The following CORIN variants were observed in gnomAD, a reference collection of about 807,000 sequenced individuals.
The protein encoded by CORIN is atrial natriuretic peptide-converting enzyme.
CORIN carries 117 observed loss-of-function variants against 125.3 expected under a neutral mutation model. That is an observed-to-expected ratio of 0.93 (90% confidence interval 0.80 to 1.09). The LOEUF is 1.09. Among genes scored for constraint, CORIN ranks in the 50% least tolerant of loss-of-function variants. The pLI is 0.00. For synonymous variants in CORIN, 450 were observed against 466.4 expected (o/e 0.96, Z 0.45); for missense variants, 1,253 against 1,306.7 (o/e 0.96, Z 0.63).
At chr4:47,690,808 T>C (rs886788583) in intron 6 of CORIN, among the ~76,000 whole-genome samples, 9 of 152,178 alleles carry the variant, frequency 5.9e-5, no homozygotes, top group African/African-American at 1.2e-4. Context: ...AAAAGGAGTA[T>C]GGCACCCTCC....
chr4:47,695,336 A>G (rs1725941536), intron 5 of CORIN, among the ~76,000 whole-genome samples: 1 of 152,212 alleles, frequency 6.6e-6, no homozygotes, highest in African/African-American at 2.4e-5. Flanking sequence ...AGCAGCTGCA[A>G]TGCCTCACAA....
intron 4 of CORIN, among the ~76,000 whole-genome samples, chr4:47,757,925 T>C (rs559460606): frequency 1.4e-5 from 2 of 147,330 alleles, no homozygotes; most frequent in East Asian, 2.0e-4. Flanking sequence ...TACACATATA[T>C]ATATTTGAGA....
rs1330832330 is a variant in CORIN, at chr4:47,711,072, T to G, written c.800-17989A>C. Among the ~76,000 whole-genome samples, 4 of 152,158 alleles carry G rather than the reference T, an allele frequency of 2.6e-5. No homozygotes were observed. The East Asian group carries it at 7.7e-4, about 29-fold the overall frequency. ...AAGAATGTCAAGGAGGGTAGTGGGA[T>G]GAAAGCTTGAGAGAAGTCCCCTAAG... On this transcript the variant is annotated intron_variant, in intron 5 of 21. Transcript: ENST00000273857.
intron 5 of CORIN, 43 bp from the exon 6 acceptor site, chr4:47,693,126 T>A (rs1360325377): frequency 1.6e-6 from 2 of 1,273,532 alleles, no homozygotes; most frequent in African/African-American, 3.0e-5. Context: ...TAAGATGGGT[T>A]TTTTTTCTTT....
At position 47,653,646 on chromosome 4, in the gene CORIN, G is replaced by C; in HGVS notation, c.1750C>G (p.His584Asp). 1 of 1,613,888 alleles carries C rather than the reference G, an allele frequency of 6.2e-7. No individual in the cohort carries two copies. The highest frequency in any genetic ancestry group is 8.5e-7 in the Non-Finnish European group (1 of 1,179,828). ...DEYVEECSPS[H>D]FKCRSGQCVL... ...CACTGTCCTGAGCGGCACTTGAAAT[G>C]ACTAGGTGAGCATTCTATTAAAAAC... The change falls in exon 13 of 22, where the codon CAT becomes GAT. Residue 584 changes from histidine (H) to aspartate (D), a missense_variant. Transcript: ENST00000273857.
At chr4:47,729,277 T>C (rs762078727) in intron 5 of CORIN, among the ~76,000 whole-genome samples, 1 of 152,238 alleles carries the variant, frequency 6.6e-6, no homozygotes, top group Non-Finnish European at 1.5e-5. Flanking sequence ...AAGTTGATCA[T>C]GAAGTTTCTT....
intron 1 of CORIN, among the ~76,000 whole-genome samples, chr4:47,815,359 G>A (rs1226335008): frequency 6.6e-6 from 1 of 152,086 alleles, no homozygotes; most frequent in East Asian, 1.9e-4. Context: ...AGTTTCCCTG[G>A]AGGAAAGTTA....
intron 19 of CORIN, among the ~76,000 whole-genome samples, chr4:47,604,727 C>T (rs917852751): frequency 3.9e-5 from 6 of 152,212 alleles, no homozygotes; most frequent in Admixed American, 2.6e-4. Context: ...CTAAGCTACT[C>T]TCAACTACAT....
chr4:47,764,846 CT>C (rs1729636234), intron 3 of CORIN, among the ~76,000 whole-genome samples: 1 of 152,196 alleles, frequency 6.6e-6, no homozygotes, highest in Non-Finnish European at 1.5e-5. Context: ...TTGACCACAC[CT>C]TTTTATCAGT....
At chr4:47,688,994 T>G (rs7681242) in intron 6 of CORIN, among the ~76,000 whole-genome samples, 109,152 of 152,026 alleles carry the variant, frequency 0.72, 39,275 homozygotes, top group Admixed American at 0.75. Context: ...ATTTTGTGCT[T>G]TTTAGGCTGC....
intron 2 of CORIN, among the ~76,000 whole-genome samples, chr4:47,799,689 A>G (rs903501829): frequency 1.3e-5 from 2 of 152,212 alleles, no homozygotes; most frequent in African/African-American, 2.4e-5. Context: ...AAGTTTGCCT[A>G]CATATAAACA....
chr4:47,670,961 CT>C (rs1724732465), intron 10 of CORIN, among the ~76,000 whole-genome samples: 1 of 152,110 alleles, frequency 6.6e-6, no homozygotes, highest in South Asian at 2.1e-4. Context: ...GGTTTTTAGG[CT>C]TTTTAAAAAA....
At chr4:47,684,777 T>C (rs1725438300) in intron 6 of CORIN, among the ~76,000 whole-genome samples, 1 of 152,132 alleles carries the variant, frequency 6.6e-6, no homozygotes, top group Non-Finnish European at 1.5e-5. Context: ...ACTCTTACAT[T>C]CAATAATCAG....
At chr4:47,660,621 A>G (rs1724201815) in intron 12 of CORIN, among the ~76,000 whole-genome samples, 1 of 152,214 alleles carries the variant, frequency 6.6e-6, no homozygotes, top group Non-Finnish European at 1.5e-5. Context: ...CAAAACTACA[A>G]TGAGGTATCA....
intron 11 of CORIN, among the ~76,000 whole-genome samples, chr4:47,662,645 AG>A (rs1477624181): frequency 1.3e-5 from 2 of 152,254 alleles, no homozygotes; most frequent in East Asian, 3.9e-4. Context: ...AACTAACCAA[AG>A]TAAGTTCCTA....
chr4:47,754,838 A>T (rs1293765866), intron 4 of CORIN, among the ~76,000 whole-genome samples: 1 of 152,232 alleles, frequency 6.6e-6, no homozygotes, highest in Non-Finnish European at 1.5e-5. Flanking sequence ...GAAGGCAGTT[A>T]GGTGGCCAGT....
intron 5 of CORIN, among the ~76,000 whole-genome samples, chr4:47,713,789 GT>G (rs58030728): frequency 0.013 from 2,000 of 150,780 alleles, 41 homozygotes; most frequent in African/African-American, 0.045. Flanking sequence ...AATTTTTAAT[GT>G]TTTTTTTTAA....
At chr4:47,833,733 T>C (rs1733201129) in intron 1 of CORIN, among the ~76,000 whole-genome samples, 1 of 152,056 alleles carries the variant, frequency 6.6e-6, no homozygotes, top group Admixed American at 6.6e-5. Context: ...AGCCTGATTT[T>C]AAAATGGGAA....
intron 21 of CORIN, among the ~76,000 whole-genome samples, chr4:47,596,902 T>A (rs1019573077): frequency 2.0e-5 from 3 of 152,224 alleles, no homozygotes; most frequent in Admixed American, 1.3e-4. Context: ...ATTTATTATA[T>A]CTGTTTTGGA....
Sources: allele counts gnomAD v4.1 joint callset (sites outside exome capture counted in the v4.1 genomes callset), GRCh38; gene constraint gnomAD v4.1.1; transcripts MANE v1.5; gene names NCBI Gene and HGNC (gene_info 2026-07-23, HGNC 2026-07-21).